Variants in SATB1 observed in about 807,000 individuals in gnomAD.
SATB1 encodes the protein DNA-binding protein SATB1.
Under a neutral mutation model 86.9 loss-of-function variants are expected in SATB1, and 11 were observed. The ratio of observed to expected loss-of-function variants is 0.13; its 90% CI spans 0.08 to 0.21. SATB1 has a LOEUF of 0.21. Among genes scored for constraint, SATB1 ranks in the 10% least tolerant of loss-of-function variants. The probability of loss-of-function intolerance (pLI) is 1.00; values close to 1 mark genes in which losing one functional copy is unlikely to be tolerated. For synonymous variants in SATB1, 357 were observed against 357.2 expected (o/e 1.00, Z 0.01); for missense variants, 551 against 937.6 (o/e 0.59, Z 5.39).
intron 9 of SATB1, among the ~76,000 whole-genome samples, chr3:18,377,252 T>C (rs1575111429): frequency 6.6e-6 from 1 of 152,202 alleles, no homozygotes; most frequent in Non-Finnish European, 1.5e-5. Context: ...AATAAAAATA[T>C]ACTTGTGTAA....
At chr3:18,396,020 C>G (rs1559432423) in intron 6 of SATB1, among the ~76,000 whole-genome samples, 1 of 152,194 alleles carries the variant, frequency 6.6e-6, no homozygotes. Flanking sequence ...TTTAGAGGAA[C>G]TTTATCATAG....
chr3:18,352,016 G>T lies in SATB1; in HGVS notation c.1755C>A (p.Ile585=). ...HHHGDRPPHI[I]HVPAEQIQQQ... ...CCTGAATCTGCTCTGCTGGAACATG[G>T]ATAATGTGGGGCGGCCTGTCGCCAT... The change falls in exon 10 of 11, where the codon ATC becomes ATA. Residue 585 remains isoleucine (I), a synonymous_variant. Transcript: ENST00000338745. This position sits in a 1 kb window ranked among gnomAD's most constrained non-coding sequence, Gnocchi z 4.1. The T allele has an allele frequency of 5.0e-6, 8 of 1,614,222 alleles. No individual in the cohort carries two copies. Among genetic ancestry groups the T allele is most frequent in the Non-Finnish European group, 5.9e-6 (7 of 1,180,038 alleles).
intron 9 of SATB1, among the ~76,000 whole-genome samples, chr3:18,377,823 A>T (rs9758251): frequency 0.02 from 3,083 of 152,234 alleles, 97 homozygotes; most frequent in African/African-American, 0.07. Context: ...AAAAATAAAG[A>T]TCATCTAAGC....
chr3:18,371,114 AAC>A (rs1355218237), intron 9 of SATB1, among the ~76,000 whole-genome samples: 2 of 152,212 alleles, frequency 1.3e-5, no homozygotes. Flanking sequence ...CAGTTTATGA[AAC>A]AGTGTGTTTA....
chr3:18,381,953 A>G (rs1011258716), intron 8 of SATB1, among the ~76,000 whole-genome samples: 7 of 152,166 alleles, frequency 4.6e-5, no homozygotes, highest in African/African-American at 1.7e-4. Context: ...AAAGTCTTCC[A>G]GCTTTTAAAA....
rs936947802 is a variant in SATB1 at position 18,345,393 on chromosome 3, C to CAAACT, written c.*3772_*3776dup. 1.3e-5 allele frequency: 2 copies of CAAACT among 152,026 alleles called. No individual in the cohort carries two copies. The highest frequency in any genetic ancestry group is 4.8e-5 in the African/African-American group (2 of 41,428). The allele number at this position is 152,026 out of a possible 1,614,324, so 9.4% of individuals were successfully genotyped here. A position where few individuals can be genotyped will look rare whatever the true frequency, so the allele number is the denominator to read the frequency against. On this transcript the variant is annotated 3_prime_UTR_variant, in exon 11 of 11. Transcript: ENST00000338745. ...TGGCTCATCTTTTAAACATTAATTT[C>CAAACT]AAACTATTTTTATTTAACATTTGGT...
At chr3:18,431,267 T>C (rs967230068) in intron 2 of SATB1, among the ~76,000 whole-genome samples, 2 of 152,166 alleles carry the variant, frequency 1.3e-5, no homozygotes, top group Non-Finnish European at 2.9e-5. Context: ...CTTTCTGCTA[T>C]CTTCTTTAAC....
intron 2 of SATB1, 118 bp from the exon 3 acceptor site, chr3:18,417,196 C>T: frequency 9.9e-7 from 1 of 1,005,550 alleles, no homozygotes; most frequent in Non-Finnish European, 1.5e-6. Flanking sequence ...ATTCACTGTG[C>T]TTCCAAGGCA....
rs1694062579 is a variant in SATB1 at position 18,346,492 on chromosome 3, TC to T, written c.*2677del. 1 of 151,962 alleles carries T rather than the reference TC, an allele frequency of 6.6e-6. No homozygotes were observed. The highest frequency in any genetic ancestry group is 6.6e-5 in the Admixed American group (1 of 15,240). 9.4% of individuals were successfully genotyped at this position (151,962 alleles called of 1,614,324 possible). On this transcript the variant is annotated 3_prime_UTR_variant, in exon 11 of 11. Coordinates refer to ENST00000338745, the MANE Select transcript of SATB1 (RefSeq NM_002971.6). Reference sequence around the variant, plus strand: ...GACATTGGGGGAGCAATATGGAAGATCATCTGGGCAAGTCTTTTCTAAAATG... The same window carrying T: ...GACATTGGGGGAGCAATATGGAAGATATCTGGGCAAGTCTTTTCTAAAATG...
At chr3:18,433,489 C>A (rs1303113577) in intron 2 of SATB1, among the ~76,000 whole-genome samples, 1 of 152,008 alleles carries the variant, frequency 6.6e-6, no homozygotes, top group East Asian at 1.9e-4. Context: ...GAAATATCAT[C>A]TTTTCCTGTA....
chr3:18,349,044 G>C lies in SATB1; in HGVS notation c.*126C>G, dbSNP rs571828924. Reference sequence around the variant, plus strand: ...ATCCTTTTCCAACTTTTCTGTTTGTGCAAGTTTTTGAAGATTCATTGGCCA... The same window carrying C: ...ATCCTTTTCCAACTTTTCTGTTTGTCCAAGTTTTTGAAGATTCATTGGCCA... On this transcript the variant is annotated 3_prime_UTR_variant, in exon 11 of 11. Coordinates refer to ENST00000338745, the MANE Select transcript of SATB1 (RefSeq NM_002971.6). This position sits in a 1 kb window ranked among gnomAD's most constrained non-coding sequence, Gnocchi z 5.5. 1.8e-4 allele frequency: 266 copies of C among 1,446,448 alleles called. 2 individuals carry two copies. The South Asian group carries it at 3.5e-3, about 19-fold the overall frequency. The allele number at this position is 1,446,448 out of a possible 1,614,324, so 89.6% of individuals were successfully genotyped here. A position where few individuals can be genotyped will look rare whatever the true frequency, so the allele number is the denominator to read the frequency against.
In SATB1 at chr3:18,383,181, G is replaced by A. The variant is rs927181778; in HGVS notation, c.1419+3218C>T. The stretch of plus-strand genomic sequence containing the variant: ...CATAACTGTCCCTACTGGAGCACAT[G>A]GGATACCTCTGCAGGGAGGCATCTC... On this transcript the variant is annotated intron_variant, in intron 8 of 10. Transcript: ENST00000338745. Among the ~76,000 whole-genome samples the A allele has an allele frequency of 2.0e-5, 3 of 152,326 alleles. No individual in the cohort carries two copies. In the South Asian group the frequency reaches 6.2e-4, roughly 32 times the overall value.
At chr3:18,392,564 TACAC>T (rs1211820624) in intron 7 of SATB1, among the ~76,000 whole-genome samples, 1 of 112,338 alleles carries the variant, frequency 8.9e-6, no homozygotes, top group Non-Finnish European at 2.2e-5. Flanking sequence ...TACATATATA[TACAC>T]ACACATACAC....
chr3:18,415,959 G>T (rs751922555), intron 4 of SATB1, 48 bp downstream of exon 4: 2 of 1,499,746 alleles, frequency 1.3e-6, no homozygotes, highest in Non-Finnish European at 1.8e-6. Context: ...CATTTCAAAA[G>T]ACCAGGTAAG....
At chr3:18,365,226 G>A (rs1397996192) in intron 9 of SATB1, among the ~76,000 whole-genome samples, 1 of 152,100 alleles carries the variant, frequency 6.6e-6, no homozygotes, top group Non-Finnish European at 1.5e-5. Context: ...TCTGAATAAA[G>A]CATCTAAATT....
intron 5 of SATB1, among the ~76,000 whole-genome samples, chr3:18,407,406 T>C (rs1198172044): frequency 1.3e-5 from 2 of 152,038 alleles, no homozygotes; most frequent in Non-Finnish European, 2.9e-5. Flanking sequence ...TGCACCAAAA[T>C]CTTCCATGTA....
chr3:18,443,082 C>T (rs1410170631), upstream of SATB1, among the ~76,000 whole-genome samples: 1 of 152,194 alleles, frequency 6.6e-6, no homozygotes, highest in Non-Finnish European at 1.5e-5. The surrounding 1 kb of genome is among the most constrained non-coding windows in gnomAD (Gnocchi z 4.4). Flanking sequence ...CAGAATAAAT[C>T]TCACATTCCT....
At chr3:18,414,978 T>A in intron 5 of SATB1, 133 bp downstream of exon 5, 1 of 923,782 alleles carries the variant, frequency 1.1e-6, no homozygotes. Flanking sequence ...AGGTCACCAG[T>A]GGTCAAGTCA....
At chr3:18,374,346 C>A (rs1695630977) in intron 9 of SATB1, among the ~76,000 whole-genome samples, 1 of 152,090 alleles carries the variant, frequency 6.6e-6, no homozygotes, top group Non-Finnish European at 1.5e-5. Flanking sequence ...GGTTATTACC[C>A]AAATCAACTA....
Sources: allele counts gnomAD v4.1 joint callset (sites outside exome capture counted in the v4.1 genomes callset), GRCh38; gene constraint gnomAD v4.1.1; non-coding constraint Gnocchi (gnomAD v3.1); transcripts MANE v1.5; gene names NCBI Gene and HGNC (gene_info 2026-07-23, HGNC 2026-07-21).